Variants in ERC2 observed in about 807,000 individuals in gnomAD.
The protein encoded by ERC2 is ERC protein 2.
ERC2 carries 42 observed loss-of-function variants against 114.8 expected under a neutral mutation model. That is an observed-to-expected ratio of 0.37 (90% CI 0.29 to 0.47). ERC2 has a LOEUF of 0.47. Among genes scored for constraint, ERC2 ranks in the 20% least tolerant of loss-of-function variants. ERC2 has a pLI of 0.99. For missense variants in ERC2, 939 were observed against 1,150.7 expected, an observed-to-expected ratio of 0.82 and a Z score of 2.66; for synonymous variants, 454 against 425.5, an observed-to-expected ratio of 1.07 and a Z score of -0.82.
chr3:55,794,567 G>C (rs570750800), intron 14 of ERC2, among the ~76,000 whole-genome samples: 4 of 152,238 alleles, frequency 2.6e-5, no homozygotes, highest in African/African-American at 9.6e-5. Flanking sequence ...AAAAATACAA[G>C]AGATGTATGT....
chr3:56,421,056 A>G (rs1441440686), intron 2 of ERC2, among the ~76,000 whole-genome samples: 1 of 152,206 alleles, frequency 6.6e-6, no homozygotes, highest in Admixed American at 6.5e-5. Context: ...GTTGGTCAAT[A>G]TAACTTCCAG....
intron 17 of ERC2, among the ~76,000 whole-genome samples, chr3:55,584,989 T>A (rs984290574): frequency 6.6e-6 from 1 of 152,190 alleles, no homozygotes; most frequent in African/African-American, 2.4e-5. Context: ...TACGGTCTTG[T>A]CTTTGCTGTT....
intron 2 of ERC2, among the ~76,000 whole-genome samples, chr3:56,367,691 T>A (rs2059201303): frequency 6.6e-6 from 1 of 152,168 alleles, no homozygotes; most frequent in Non-Finnish European, 1.5e-5. Context: ...ATAATTCTTT[T>A]GAGTGCATTT....
rs1242540876 is a variant in ERC2 at position 56,173,529 on chromosome 3, G to A, written c.1075-9C>T. ...CTTCTTCGGTGCAATTCCTGGGGAG[G>A]AACACGATAGAAATAAGCCTGACGG... On this transcript the variant is annotated splice_polypyrimidine_tract_variant and intron_variant, in intron 3 of 17. Coordinates refer to ENST00000288221, the MANE Select transcript of ERC2 (RefSeq NM_015576.3). 2.5e-6 allele frequency: 4 copies of A among 1,613,268 alleles called. No homozygotes were observed. The South Asian group carries it at 4.4e-5, about 18-fold the overall frequency.
chr3:56,293,832 TTG>T (rs1560536358), intron 3 of ERC2, among the ~76,000 whole-genome samples: 11 of 152,132 alleles, frequency 7.2e-5, no homozygotes. Flanking sequence ...CCAAGATGAA[TTG>T]TGTTTAGATT....
At chr3:56,323,836 A>C (rs2057236456) in intron 2 of ERC2, among the ~76,000 whole-genome samples, 2 of 152,194 alleles carry the variant, frequency 1.3e-5, no homozygotes, top group African/African-American at 4.8e-5. Context: ...TCCATCATAG[A>C]ATCCTGAAAT....
intron 2 of ERC2, among the ~76,000 whole-genome samples, chr3:56,368,967 G>A (rs983288975): frequency 6.6e-6 from 1 of 152,136 alleles, no homozygotes; most frequent in Non-Finnish European, 1.5e-5. Flanking sequence ...GAACTGGAAG[G>A]CTACTCCATA....
chr3:56,282,922 T>C (rs915625650), intron 3 of ERC2, among the ~76,000 whole-genome samples: 2 of 152,184 alleles, frequency 1.3e-5, no homozygotes, highest in African/African-American at 4.8e-5. Context: ...AGAGCCACCA[T>C]GCAAAGATAA....
chr3:55,743,452 C>T (rs1442816047), intron 14 of ERC2, among the ~76,000 whole-genome samples: 1 of 146,072 alleles, frequency 6.8e-6, no homozygotes, highest in Admixed American at 6.9e-5. Context: ...AGAGCTATTC[C>T]CCCTATTCTA....
chr3:56,165,859 A>G (rs375159205), intron 4 of ERC2, among the ~76,000 whole-genome samples: 2 of 152,034 alleles, frequency 1.3e-5, no homozygotes, highest in South Asian at 4.1e-4. Flanking sequence ...AGACTCGATT[A>G]TGGTACTTGT....
chr3:56,215,776 A>C (rs1056462120), intron 3 of ERC2, among the ~76,000 whole-genome samples: 11 of 152,258 alleles, frequency 7.2e-5, no homozygotes, highest in Non-Finnish European at 1.6e-4. Context: ...AAAAGAAAAG[A>C]AATTAAAACA....
chr3:55,713,077 G>GTTGT (rs2063858067), intron 15 of ERC2, among the ~76,000 whole-genome samples: 1 of 141,396 alleles, frequency 7.1e-6, no homozygotes, highest in South Asian at 2.3e-4. Flanking sequence ...TCATATCCTG[G>GTTGT]TTGTTAGTTC....
At chr3:56,254,153 T>C (rs971219899) in intron 3 of ERC2, among the ~76,000 whole-genome samples, 1 of 152,206 alleles carries the variant, frequency 6.6e-6, no homozygotes, top group African/African-American at 2.4e-5. Context: ...TGTAATTGCT[T>C]TATGTCGTCC....
At chr3:56,446,942 A>G (rs574128696) in intron 1 of ERC2, among the ~76,000 whole-genome samples, 1 of 151,596 alleles carries the variant, frequency 6.6e-6, no homozygotes, top group East Asian at 1.9e-4. Context: ...TGCATTTTCA[A>G]GAAGGTTTCT....
chr3:56,301,464 A>T (rs1576341078), intron 2 of ERC2, among the ~76,000 whole-genome samples: 1 of 152,174 alleles, frequency 6.6e-6, no homozygotes, highest in South Asian at 2.1e-4. Flanking sequence ...GAAGACGGGG[A>T]GGGGATGTGA....
intron 3 of ERC2, among the ~76,000 whole-genome samples, chr3:56,261,304 T>G (rs1023499849): frequency 7.2e-5 from 11 of 152,222 alleles, no homozygotes; most frequent in African/African-American, 2.4e-4. Flanking sequence ...TAATTGAGAT[T>G]ATTTATATAC....
intron 17 of ERC2, among the ~76,000 whole-genome samples, chr3:55,550,153 C>G (rs2055069328): frequency 6.6e-6 from 1 of 152,064 alleles, no homozygotes; most frequent in Non-Finnish European, 1.5e-5. Context: ...TGCAGTAATA[C>G]TTGCCTCATT....
chr3:55,656,559 C>T (rs936259889), intron 17 of ERC2, among the ~76,000 whole-genome samples: 2 of 152,174 alleles, frequency 1.3e-5, no homozygotes, highest in African/African-American at 4.8e-5. Context: ...AAGTACATCT[C>T]CAAAAAGGCA....
chr3:55,844,157 C>T (rs2061254038), intron 14 of ERC2, among the ~76,000 whole-genome samples: 1 of 152,176 alleles, frequency 6.6e-6, no homozygotes, highest in South Asian at 2.1e-4. Flanking sequence ...TCTACCACTA[C>T]TGTTGAAAGG....
Sources: gnomAD v4.1 joint callset for allele counts (sites outside exome capture counted in the v4.1 genomes callset) on GRCh38, gnomAD v4.1.1 for gene constraint, MANE v1.5 for transcripts, NCBI Gene and HGNC (gene_info 2026-07-23, HGNC 2026-07-21) for gene names.